The following NCAPD3 variants were observed in gnomAD, a reference collection of about 807,000 sequenced individuals.
The protein encoded by NCAPD3 is non-SMC condensin II complex subunit D3, also known as condensin-2 complex subunit D3.
In NCAPD3, 105 loss-of-function variants were observed where a neutral mutation model predicts 182.9. That is an observed-to-expected ratio of 0.57 (90% CI 0.49 to 0.68). The LOEUF (loss-of-function observed/expected upper bound fraction) is 0.68, where lower values mean the gene tolerates loss of function less well. Ranked by LOEUF, NCAPD3 falls within the 30% of genes least tolerant of loss-of-function variation. The pLI is 0.00. For synonymous variants in NCAPD3, 815 were observed against 679.9 expected (o/e 1.20, Z -3.09); for missense variants, 1,944 against 1,837.0 (o/e 1.06, Z -1.07).
chr11:134,193,934 G>T, intron 15 of NCAPD3, 82 bp downstream of exon 15: 1 of 1,423,610 alleles, frequency 7.0e-7, no homozygotes, highest in Non-Finnish European at 9.6e-7. Context: ...TCAACTTAAC[G>T]TTTAGCAGCA....
intron 32 of NCAPD3, among the ~76,000 whole-genome samples, chr11:134,155,758 G>A (rs927194564): frequency 2.0e-5 from 3 of 151,396 alleles, no homozygotes; most frequent in African/African-American, 7.3e-5. Flanking sequence ...CGAACACACA[G>A]CAAGCTCTAA....
chr11:134,198,638 T>C (rs1944685798), intron 13 of NCAPD3, among the ~76,000 whole-genome samples: 1 of 152,152 alleles, frequency 6.6e-6, no homozygotes, highest in Admixed American at 6.5e-5. Context: ...ATGAAAGATA[T>C]CCAGATTGGA....
chr11:134,206,848 C>CA, intron 7 of NCAPD3, 116 bp from the exon 8 acceptor site: 1 of 1,076,868 alleles, frequency 9.3e-7, no homozygotes. Context: ...GTCAGGCTGG[C>CA]ATAATTGCTG....
Position 134,192,710 on chromosome 11 carries a change from G to C in NCAPD3, c.2024C>G (p.Thr675Ser). The change falls in exon 16 of 35, where the codon ACC becomes AGC. Residue 675 changes from threonine (T) to serine (S), a missense_variant. Around this residue, in one of 3 missense-constraint regions of NCAPD3, gnomAD observed 1,803 missense variants for 1,674.6 expected, o/e 1.08. Coordinates refer to ENST00000534548, the MANE Select transcript of NCAPD3 (RefSeq NM_015261.3). ...CTACCTCAGTTCCTGGCTTTCGGTG[G>C]TGAGGAGAGTAAGAAGCGCCCAGGC... Reference protein sequence around the residue: ...VLAWALLTLLTTESQELSRYL... With the variant: ...VLAWALLTLLSTESQELSRYL... 6.2e-7 allele frequency: 1 copy of C among 1,614,176 alleles called. No homozygotes were observed. Among genetic ancestry groups the C allele is most frequent in the South Asian group, 1.1e-5 (1 of 91,082 alleles).
intron 14 of NCAPD3, 93 bp downstream of exon 14, chr11:134,194,572 G>A (rs768639562): frequency 2.5e-6 from 2 of 811,050 alleles, no homozygotes; most frequent in Non-Finnish European, 3.8e-6. Flanking sequence ...AGCAAATTAA[G>A]TAATGAATAT....
intron 16 of NCAPD3, among the ~76,000 whole-genome samples, chr11:134,189,780 A>C (rs972523712): frequency 6.6e-6 from 1 of 152,220 alleles, no homozygotes; most frequent in African/African-American, 2.4e-5. Context: ...TATCATTATA[A>C]GTAACTTTCT....
chr11:134,170,804 T>G (rs2135964010), intron 24 of NCAPD3, among the ~76,000 whole-genome samples: 1 of 152,266 alleles, frequency 6.6e-6, no homozygotes, highest in Admixed American at 6.5e-5. Flanking sequence ...GGGCTGAAAA[T>G]GTAGTCACAG....
intron 27 of NCAPD3, among the ~76,000 whole-genome samples, chr11:134,166,010 T>A (rs1405447021): frequency 9.2e-6 from 1 of 109,280 alleles, no homozygotes. Context: ...CACACTCACT[T>A]GTGAGATGAG....
intron 26 of NCAPD3, 38 bp downstream of exon 26, chr11:134,168,431 C>G: frequency 6.2e-7 from 1 of 1,611,052 alleles, no homozygotes; most frequent in South Asian, 1.1e-5. Flanking sequence ...ATTTCATTTG[C>G]AAACACACAC....
intron 13 of NCAPD3, among the ~76,000 whole-genome samples, chr11:134,195,874 A>G (rs1005902834): frequency 4.6e-5 from 7 of 152,190 alleles, no homozygotes; most frequent in African/African-American, 1.7e-4. Flanking sequence ...GGACCACTGG[A>G]AAACTCCAAT....
At chr11:134,184,520 G>A in intron 19 of NCAPD3, 117 bp downstream of exon 19, 1 of 672,114 alleles carries the variant, frequency 1.5e-6, no homozygotes, top group Non-Finnish European at 2.5e-6. Flanking sequence ...ATAGCTGCGG[G>A]GGACATCCTT....
intron 29 of NCAPD3, among the ~76,000 whole-genome samples, chr11:134,159,589 A>G (rs967291386): frequency 2.0e-5 from 3 of 152,158 alleles, no homozygotes; most frequent in Middle Eastern, 3.2e-3. Flanking sequence ...CTAAAGAGGG[A>G]GTGCTGGGGG....
At position 134,169,018 on chromosome 11, in the gene NCAPD3, C is replaced by T; in HGVS notation, c.3138G>A (p.Lys1046=). 3.7e-6 allele frequency: 6 copies of T among 1,614,076 alleles called. No individual in the cohort carries two copies. The highest frequency in any genetic ancestry group is 4.2e-6 in the Non-Finnish European group (5 of 1,179,982). Residue 1046 remains lysine, a synonymous_variant, in exon 25 of 35, where the codon AAG becomes AAA. Coordinates refer to ENST00000534548, the MANE Select transcript of NCAPD3 (RefSeq NM_015261.3). ...GTTGGAAGAACATGACAGGGTTCCT[C>T]TTCAGTAACAGGTGAGCCAGGCAAA... is the stretch of plus-strand genomic sequence containing the variant. ...GEFCLAHLLL[K]RNPVMFFQHF... is the part of the protein sequence containing the mutation.
intron 1 of NCAPD3, among the ~76,000 whole-genome samples, chr11:134,222,232 T>A (rs1938258024): frequency 6.6e-6 from 1 of 152,208 alleles, no homozygotes; most frequent in African/African-American, 2.4e-5. Context: ...GCAGGTAACT[T>A]CTGCTCTGCT....
At chr11:134,170,029 T>A (rs1362704226) in intron 24 of NCAPD3, among the ~76,000 whole-genome samples, 2 of 152,212 alleles carry the variant, frequency 1.3e-5, no homozygotes, top group Non-Finnish European at 2.9e-5. Context: ...GGAGACTGAC[T>A]TCTCCTTTCC....
At chr11:134,183,002 C>CA (rs1338654525) in intron 19 of NCAPD3, 1 of 421,074 alleles carries the variant, frequency 2.4e-6, no homozygotes, top group Non-Finnish European at 4.7e-6. Flanking sequence ...TTCCAGCTCT[C>CA]AGTGTCTAAC....
Position 134,151,293 on chromosome 11 carries a change from C to T in NCAPD3, c.*1651G>A, listed in dbSNP as rs958722203. On this transcript the variant is annotated 3_prime_UTR_variant, in exon 35 of 35. Coordinates refer to ENST00000534548, the MANE Select transcript of NCAPD3 (RefSeq NM_015261.3). ...GAGGCAGGAAATGCTCCAGCAGTGG[C>T]TCAGTGCTCCCTGGTGTCTGCTGCA... is the stretch of plus-strand genomic sequence containing the variant. The T allele has an allele frequency of 6.6e-6, 1 of 152,260 alleles. No individual in the cohort carries two copies. Among genetic ancestry groups the T allele is most frequent in the African/African-American group, 2.4e-5 (1 of 41,468 alleles). The allele number at this position is 152,260 out of a possible 1,614,324, so 9.4% of individuals were successfully genotyped here.
intron 32 of NCAPD3, among the ~76,000 whole-genome samples, chr11:134,155,440 G>A (rs1006168851): frequency 1.3e-5 from 2 of 152,208 alleles, no homozygotes; most frequent in Admixed American, 6.5e-5. Context: ...GAGACGGACA[G>A]AGACTGCATC....
chr11:134,162,917 T>A (rs967269301), intron 27 of NCAPD3, among the ~76,000 whole-genome samples: 1 of 152,076 alleles, frequency 6.6e-6, no homozygotes, highest in African/African-American at 2.4e-5. Context: ...ATGGGATGCC[T>A]AAGGAGTGCA....
Sources: gnomAD v4.1 joint callset for allele counts (sites outside exome capture counted in the v4.1 genomes callset) on GRCh38, gnomAD v4.1.1 for gene constraint, gnomAD v4.1.1 regional missense constraint, MANE v1.5 for transcripts, NCBI Gene and HGNC (gene_info 2026-07-23, HGNC 2026-07-21) for gene names.